The following UST variants were observed in gnomAD, a reference collection of about 807,000 sequenced individuals.
UST encodes the protein chondroitin sulfate 2-O-sulfotransferase.
UST carries 21 observed loss-of-function variants against 45.6 expected under a neutral mutation model. The ratio of observed to expected loss-of-function variants is 0.46; its 90% CI spans 0.33 to 0.66. The LOEUF is 0.66. UST is among the 30% of genes least tolerant of loss of function. UST has a pLI of 0.02. For synonymous variants in UST, 215 were observed against 200.6 expected (o/e 1.07, Z -0.61); for missense variants, 463 against 512.4 (o/e 0.90, Z 0.93).
At chr6:148,988,316 G>C (rs1327140569) in intron 5 of UST, among the ~76,000 whole-genome samples, 1 of 152,062 alleles carries the variant, frequency 6.6e-6, no homozygotes. Flanking sequence ...GCTCATGCCT[G>C]TAAGTCCAGC....
intron 5 of UST, among the ~76,000 whole-genome samples, chr6:148,991,006 G>C (rs1226115402): frequency 6.6e-6 from 1 of 152,172 alleles, no homozygotes; most frequent in Non-Finnish European, 1.5e-5. Context: ...ACCTGTCATG[G>C]AGCTGACATC....
intron 1 of UST, among the ~76,000 whole-genome samples, chr6:148,800,644 G>A (rs1414837386): frequency 2.6e-5 from 4 of 151,830 alleles, no homozygotes; most frequent in Non-Finnish European, 2.9e-5. Context: ...TTCACAATTC[G>A]AGGGATTGCC....
At chr6:148,832,234 A>G (rs1582839813) in intron 1 of UST, among the ~76,000 whole-genome samples, 5 of 152,168 alleles carry the variant, frequency 3.3e-5, no homozygotes, top group Non-Finnish European at 7.4e-5. Flanking sequence ...CAGGTGATCC[A>G]CCTGCCTCGG....
At chr6:149,026,436 G>A (rs1361277155) in intron 7 of UST, among the ~76,000 whole-genome samples, 1 of 152,234 alleles carries the variant, frequency 6.6e-6, no homozygotes, top group Non-Finnish European at 1.5e-5. Context: ...TTTCTGAGCA[G>A]TGAATATTAA....
chr6:148,822,112 G>A (rs1404269930), intron 1 of UST, among the ~76,000 whole-genome samples: 2 of 152,108 alleles, frequency 1.3e-5, no homozygotes, highest in Non-Finnish European at 2.9e-5. Context: ...CCAAGATCTG[G>A]GTGCTGTGTT....
chr6:148,766,915 A>C (rs1776335869), intron 1 of UST, among the ~76,000 whole-genome samples: 1 of 152,180 alleles, frequency 6.6e-6, no homozygotes, highest in Non-Finnish European at 1.5e-5. Context: ...CTTAATCTAT[A>C]ATCTTTATTT....
chr6:149,002,341 C>T (rs1192058459), intron 5 of UST, among the ~76,000 whole-genome samples: 2 of 151,982 alleles, frequency 1.3e-5, no homozygotes, highest in Admixed American at 6.5e-5. Context: ...GTATTTTAAT[C>T]TCACTAAAAG....
At chr6:148,835,029 A>G (rs1777760568) in intron 1 of UST, among the ~76,000 whole-genome samples, 1 of 152,232 alleles carries the variant, frequency 6.6e-6, no homozygotes, top group African/African-American at 2.4e-5. Context: ...ATTAAATAGG[A>G]ATATAAAACA....
chr6:148,963,562 A>C (rs965534279), intron 4 of UST, among the ~76,000 whole-genome samples: 1 of 152,194 alleles, frequency 6.6e-6, no homozygotes, highest in Admixed American at 6.5e-5. Flanking sequence ...ACACCTGGCT[A>C]TTTGCTTTAT....
At chr6:148,955,468 C>T (rs76561242) in intron 4 of UST, among the ~76,000 whole-genome samples, 2,127 of 152,326 alleles carry the variant, frequency 0.014, 39 homozygotes, top group African/African-American at 0.042. Flanking sequence ...ACCAGAGTTC[C>T]TGGGATGGTA....
At chr6:148,864,071 C>T (rs1356556446) in intron 1 of UST, among the ~76,000 whole-genome samples, 2 of 152,202 alleles carry the variant, frequency 1.3e-5, no homozygotes, top group Non-Finnish European at 2.9e-5. Context: ...GTTTCTGCTG[C>T]CTTTTGTTCA....
chr6:148,758,305 TC>T (rs1258126566), intron 1 of UST, among the ~76,000 whole-genome samples: 4 of 152,226 alleles, frequency 2.6e-5, no homozygotes, highest in African/African-American at 9.6e-5. Flanking sequence ...CCTTCCTGCT[TC>T]TTCTCTTCTG....
intron 7 of UST, among the ~76,000 whole-genome samples, chr6:149,058,345 A>G (rs9485351): frequency 0.13 from 15,609 of 119,814 alleles, 1,124 homozygotes; most frequent in Non-Finnish European, 0.17. Flanking sequence ...AAGGAGGAGC[A>G]TGTGTGTGTG....
At chr6:149,072,261 A>T (rs1776829893) in intron 7 of UST, among the ~76,000 whole-genome samples, 5 of 152,256 alleles carry the variant, frequency 3.3e-5, no homozygotes, top group Admixed American at 3.3e-4. Flanking sequence ...TCATTATAAT[A>T]AGCAAAAGAT....
At position 149,076,607 on chromosome 6, in the gene UST, AT is replaced by A. The variant is rs11330840; in HGVS notation, c.*2499del. On this transcript the variant is annotated 3_prime_UTR_variant, in exon 8 of 8. Coordinates refer to ENST00000367463, the MANE Select transcript of UST (RefSeq NM_005715.3). Reference sequence around the variant, plus strand: ...CAGTTTATTTGGCAAACATGACAACATTTTTTTTGGCCCTGGGCCCAACAGT... The same window carrying A: ...CAGTTTATTTGGCAAACATGACAACATTTTTTTGGCCCTGGGCCCAACAGT... The A allele has an allele frequency of 0.27, 40,662 of 152,350 alleles. 5,556 individuals carry two copies. Among genetic ancestry groups the A allele is most frequent in the African/African-American group, 0.32 (13,182 of 41,422 alleles). The allele number at this position is 152,350 out of a possible 1,614,324, so 9.4% of individuals were successfully genotyped here. A position where few individuals can be genotyped will look rare whatever the true frequency, so the allele number is the denominator to read the frequency against.
intron 5 of UST, among the ~76,000 whole-genome samples, chr6:149,002,258 A>G (rs1781564689): frequency 6.6e-6 from 1 of 152,176 alleles, no homozygotes; most frequent in Non-Finnish European, 1.5e-5. Context: ...AACAGAAGAC[A>G]TGAAAAGAAA....
chr6:149,006,182 C>T (rs1223660054), intron 5 of UST, among the ~76,000 whole-genome samples: 1 of 152,184 alleles, frequency 6.6e-6, no homozygotes, highest in South Asian at 2.1e-4. Flanking sequence ...CACCCATCAA[C>T]CCATCACCTA....
chr6:148,786,412 C>T (rs1168125866), intron 1 of UST, among the ~76,000 whole-genome samples: 2 of 152,090 alleles, frequency 1.3e-5, no homozygotes, highest in Non-Finnish European at 1.5e-5. Context: ...GAAATGGCCC[C>T]AGTGTGTGTT....
chr6:148,777,358 A>C (rs1366907503), intron 1 of UST, among the ~76,000 whole-genome samples: 2 of 152,196 alleles, frequency 1.3e-5, no homozygotes, highest in Admixed American at 6.5e-5. Context: ...GATAATACCA[A>C]ATCAAACAAA....
Sources: gnomAD v4.1 joint callset for allele counts (sites outside exome capture counted in the v4.1 genomes callset) on GRCh38, gnomAD v4.1.1 for gene constraint, MANE v1.5 for transcripts, NCBI Gene and HGNC (gene_info 2026-07-23, HGNC 2026-07-21) for gene names.